Variants in CCDC85C observed in about 807,000 individuals in gnomAD.
CCDC85C encodes the protein coiled-coil domain containing 85C.
In CCDC85C, 18 loss-of-function variants were observed where a neutral mutation model predicts 38.3. The observed-to-expected ratio is 0.47, with a 90% CI of 0.33 to 0.70. The LOEUF is 0.70. Ranked by LOEUF, CCDC85C falls within the 30% of genes least tolerant of loss-of-function variation. The probability of loss-of-function intolerance (pLI) is 0.03; values close to 1 mark genes in which losing one functional copy is unlikely to be tolerated. For synonymous variants in CCDC85C, 264 were observed against 293.8 expected (o/e 0.90, Z 1.04); for missense variants, 566 against 621.2 (o/e 0.91, Z 0.94).
rs150917508 is a variant in CCDC85C, at chr14:99,542,245, C to T, written c.794-6157G>A. Among the ~76,000 whole-genome samples, 358 of 152,338 alleles carry T rather than the reference C, an allele frequency of 2.4e-3. 2 individuals carry two copies. The highest frequency in any genetic ancestry group is 8.2e-3 in the African/African-American group (342 of 41,572). ...GTGGAAGGGCCTCATTAAACGAACACGTACTTCCCACAAAGTGCAGAAACA... is the reference window on the plus strand; with the variant it reads ...GTGGAAGGGCCTCATTAAACGAACATGTACTTCCCACAAAGTGCAGAAACA... On this transcript the variant is annotated intron_variant, in intron 1 of 5. Coordinates refer to ENST00000380243, the MANE Select transcript of CCDC85C (RefSeq NM_001144995.2).
intron 1 of CCDC85C, among the ~76,000 whole-genome samples, chr14:99,598,378 G>T (rs1490897361): frequency 6.6e-6 from 1 of 152,230 alleles, no homozygotes; most frequent in Non-Finnish European, 1.5e-5. Flanking sequence ...ATCACGTGCT[G>T]GTCCTGGGAA....
chr14:99,591,166 A>G (rs2055081447), intron 1 of CCDC85C, among the ~76,000 whole-genome samples: 1 of 152,192 alleles, frequency 6.6e-6, no homozygotes, highest in African/African-American at 2.4e-5. Context: ...CCCACCGTTT[A>G]AAAGCCACGT....
chr14:99,501,791 C>G lies in CCDC85C; in HGVS notation c.*13455G>C, dbSNP rs558936796. 2.1e-5 allele frequency: 5 copies of G among 233,956 alleles called. No homozygotes were observed. Among genetic ancestry groups the G allele is most frequent in the Non-Finnish European group, 4.1e-5 (5 of 121,372 alleles). The allele number at this position is 233,956 out of a possible 1,614,324, so 14.5% of individuals were successfully genotyped here. ...AGAGGCCAGGGATCTAATGAGGGGCCGTGGTGGGAAACAGAATGCCTGTGA... is the reference window on the plus strand; with the variant it reads ...AGAGGCCAGGGATCTAATGAGGGGCGGTGGTGGGAAACAGAATGCCTGTGA... On this transcript the variant is annotated 3_prime_UTR_variant, in exon 6 of 6. Transcript: ENST00000380243.
chr14:99,542,382 G>C (rs1897730611), intron 1 of CCDC85C, among the ~76,000 whole-genome samples: 1 of 152,184 alleles, frequency 6.6e-6, no homozygotes, highest in Non-Finnish European at 1.5e-5. Context: ...CCAAGAACCA[G>C]GGACACGGAC....
In CCDC85C at chr14:99,502,364, G is replaced by A. The variant is rs767256145; in HGVS notation, c.*12882C>T. The A allele has an allele frequency of 1.2e-6, 2 of 1,613,490 alleles. No individual in the cohort carries two copies. The highest frequency in any genetic ancestry group is 1.7e-6 in the Non-Finnish European group (2 of 1,179,742). ...GCAGTTTGTTCAAGATGTCCCGGTC[G>A]ACGTTTTGGAAGGTACCAGGCATGC... On this transcript the variant is annotated 3_prime_UTR_variant, in exon 6 of 6. Transcript: ENST00000380243.
At chr14:99,571,892 A>G (rs1424596489) in intron 1 of CCDC85C, among the ~76,000 whole-genome samples, 3 of 152,170 alleles carry the variant, frequency 2.0e-5, no homozygotes, top group Admixed American at 6.5e-5. Flanking sequence ...CTCTTGGCAC[A>G]TGGGTGGCCT....
rs966554359 is a variant in CCDC85C at position 99,533,463 on chromosome 14, T to C, written c.867+2552A>G. Among the ~76,000 whole-genome samples, 3 of 152,258 alleles carry C rather than the reference T, an allele frequency of 2.0e-5. No individual in the cohort carries two copies. The highest frequency in any genetic ancestry group is 7.2e-5 in the African/African-American group (3 of 41,472). On this transcript the variant is annotated intron_variant, in intron 2 of 5. Coordinates refer to ENST00000380243, the MANE Select transcript of CCDC85C (RefSeq NM_001144995.2). The surrounding 1 kb of genome is among the most constrained non-coding windows in gnomAD (Gnocchi z 4.2). ...GAAACAAAATACTTTGAACCCTTTC[T>C]GCACTGGATGATCTCTGAATTCCGC...
At chr14:99,592,934 G>C (rs892333824) in intron 1 of CCDC85C, among the ~76,000 whole-genome samples, 1 of 152,252 alleles carries the variant, frequency 6.6e-6, no homozygotes, top group East Asian at 1.9e-4. Context: ...AGAAGGTGCC[G>C]AAAGAGGGAG....
At chr14:99,562,669 G>T (rs1291106544) in intron 1 of CCDC85C, among the ~76,000 whole-genome samples, 2 of 152,120 alleles carry the variant, frequency 1.3e-5, no homozygotes, top group Non-Finnish European at 2.9e-5. Flanking sequence ...GTGTCCCAAG[G>T]GTTCTCACGG....
At chr14:99,586,132 G>C (rs2055023404) in intron 1 of CCDC85C, among the ~76,000 whole-genome samples, 1 of 152,206 alleles carries the variant, frequency 6.6e-6, no homozygotes, top group African/African-American at 2.4e-5. Context: ...CGAGTGCAGG[G>C]CAACACGGGG....
At position 99,603,051 on chromosome 14, in the gene CCDC85C, A is replaced by G; in HGVS notation, c.793+116T>C. The G allele has an allele frequency of 8.3e-7, 1 of 1,205,576 alleles. No individual in the cohort carries two copies. Among genetic ancestry groups the G allele is most frequent in the Non-Finnish European group, 1.0e-6 (1 of 955,800 alleles). The allele number at this position is 1,205,576 out of a possible 1,614,324, so 74.7% of individuals were successfully genotyped here. A position where few individuals can be genotyped will look rare whatever the true frequency, so the allele number is the denominator to read the frequency against. ...GCCCAGGATCCATGACAGCTGGAGG[A>G]GTCTGGAGTGGCGGCCGCATGAGTG... On this transcript the variant is annotated intron_variant, in intron 1 of 5. Coordinates refer to ENST00000380243, the MANE Select transcript of CCDC85C (RefSeq NM_001144995.2). This position sits in a 1 kb window ranked among gnomAD's most constrained non-coding sequence, Gnocchi z 7.5.
intron 1 of CCDC85C, chr14:99,583,058 A>T (rs2054990227): frequency 6.6e-6 from 1 of 152,236 alleles, no homozygotes; most frequent in Non-Finnish European, 1.5e-5. Flanking sequence ...AATTGATCAC[A>T]ATCAGTTATA....
intron 1 of CCDC85C, among the ~76,000 whole-genome samples, chr14:99,579,470 G>A (rs919066386): frequency 6.6e-6 from 1 of 152,194 alleles, no homozygotes; most frequent in African/African-American, 2.4e-5. Flanking sequence ...GGGGTTGGGG[G>A]CTCCCCCTAT....
intron 1 of CCDC85C, among the ~76,000 whole-genome samples, chr14:99,577,268 C>CCT (rs1240678033): frequency 6.6e-6 from 1 of 151,724 alleles, no homozygotes; most frequent in Non-Finnish European, 1.5e-5. Context: ...CCACTATGCG[C>CCT]CTCCGGTTTC....
chr14:99,542,479 C>T (rs1165475927), intron 1 of CCDC85C, among the ~76,000 whole-genome samples: 3 of 152,210 alleles, frequency 2.0e-5, no homozygotes, highest in African/African-American at 4.8e-5. Context: ...TAGTCCTCAA[C>T]ATTCCTCACC....
intron 1 of CCDC85C, among the ~76,000 whole-genome samples, chr14:99,551,080 G>A (rs1353026776): frequency 6.6e-6 from 1 of 152,252 alleles, no homozygotes; most frequent in Admixed American, 6.5e-5. Context: ...TTGAGGTTTT[G>A]TAGAGCATGA....
chr14:99,538,203 T>A (rs779984368), intron 1 of CCDC85C, among the ~76,000 whole-genome samples: 3 of 152,066 alleles, frequency 2.0e-5, no homozygotes, highest in Non-Finnish European at 2.9e-5. Flanking sequence ...GAACAAAGTG[T>A]CCCCACCACC....
In CCDC85C at chr14:99,503,395, T is replaced by A; in HGVS notation, c.*11851A>T. ...ACTCACCATTCAGGAAAGCTAGTCA[T>A]TCTGTCTTATTTGGTAAATGGAAAG... On this transcript the variant is annotated 3_prime_UTR_variant, in exon 6 of 6. Coordinates refer to ENST00000380243, the MANE Select transcript of CCDC85C (RefSeq NM_001144995.2). The A allele has an allele frequency of 3.3e-6, 2 of 603,824 alleles. No individual in the cohort carries two copies. The highest frequency in any genetic ancestry group is 5.9e-6 in the Non-Finnish European group (2 of 338,844). 37.4% of individuals were successfully genotyped at this position (603,824 alleles called of 1,614,324 possible).
chr14:99,571,348 A>G (rs918875733), intron 1 of CCDC85C, among the ~76,000 whole-genome samples: 5 of 147,118 alleles, frequency 3.4e-5, no homozygotes, highest in Non-Finnish European at 7.6e-5. Flanking sequence ...AGTAGTAGTA[A>G]TAATAATAAT....
Sources: allele counts gnomAD v4.1 joint callset (sites outside exome capture counted in the v4.1 genomes callset), GRCh38; gene constraint gnomAD v4.1.1; non-coding constraint Gnocchi (gnomAD v3.1); transcripts MANE v1.5; gene names NCBI Gene and HGNC (gene_info 2026-07-23, HGNC 2026-07-21).